Variants in PHF20 observed in about 807,000 individuals in gnomAD.
The protein encoded by PHF20 is PHD finger protein 20.
A neutral mutation model predicts 113.5 loss-of-function variants in PHF20; 23 were observed. The observed-to-expected ratio is 0.20, with a 90% CI of 0.15 to 0.29. The LOEUF (loss-of-function observed/expected upper bound fraction) is 0.29. PHF20 is among the 10% of genes least tolerant of loss of function. The probability of loss-of-function intolerance (pLI) is 1.00; values close to 1 mark genes in which losing one functional copy is unlikely to be tolerated. For missense variants in PHF20, 943 were observed against 1,219.6 expected (o/e 0.77, Z 3.38); for synonymous variants, 434 against 457.3 (o/e 0.95, Z 0.65).
chr20:35,777,444 C>T (rs936148169), intron 1 of PHF20, among the ~76,000 whole-genome samples: 6 of 152,232 alleles, frequency 3.9e-5, no homozygotes, highest in African/African-American at 1.4e-4. Flanking sequence ...CCTGGTATGT[C>T]TTCCTGGATT....
chr20:35,812,664 A>C (rs2041998439), intron 2 of PHF20, among the ~76,000 whole-genome samples: 1 of 152,152 alleles, frequency 6.6e-6, no homozygotes, highest in Non-Finnish European at 1.5e-5. Context: ...ATTGCATCAC[A>C]TCGGGGGACA....
intron 5 of PHF20, among the ~76,000 whole-genome samples, chr20:35,861,389 C>T (rs148327411): frequency 1.2e-3 from 188 of 152,082 alleles, no homozygotes; most frequent in African/African-American, 4.1e-3. Context: ...TTTTATTAAA[C>T]GTACGTGTGT....
intron 2 of PHF20, among the ~76,000 whole-genome samples, chr20:35,813,372 C>G (rs2146886552): frequency 6.6e-6 from 1 of 152,296 alleles, no homozygotes; most frequent in East Asian, 1.9e-4. Context: ...AAAATTATCC[C>G]AAATTTGTCC....
At chr20:35,916,087 T>C (rs546440616) in intron 12 of PHF20, among the ~76,000 whole-genome samples, 62 of 152,244 alleles carry the variant, frequency 4.1e-4, no homozygotes, top group Admixed American at 3.6e-3. Flanking sequence ...CAGTGAGCTG[T>C]GATCATGCCA....
chr20:35,828,275 T>C (rs113109538), intron 2 of PHF20, among the ~76,000 whole-genome samples: 7,276 of 152,186 alleles, frequency 0.048, 213 homozygotes, highest in African/African-American at 0.089. Flanking sequence ...CCGCCCGCCT[T>C]GGCTTCTCAA....
chr20:35,877,455 T>C (rs765428956), intron 9 of PHF20, among the ~76,000 whole-genome samples: 23 of 151,686 alleles, frequency 1.5e-4, no homozygotes, highest in Non-Finnish European at 3.1e-4. Flanking sequence ...TTTTTTATTT[T>C]TATTTTTTAT....
At chr20:35,773,151 G>A (rs552790892) in intron 1 of PHF20, among the ~76,000 whole-genome samples, 1 of 152,264 alleles carries the variant, frequency 6.6e-6, no homozygotes, top group Non-Finnish European at 1.5e-5. Context: ...CCCCCCAAAT[G>A]TACGAGGTGA....
intron 10 of PHF20, among the ~76,000 whole-genome samples, chr20:35,904,405 C>A (rs892990955): frequency 3.3e-5 from 5 of 151,372 alleles, no homozygotes; most frequent in Non-Finnish European, 7.4e-5. Flanking sequence ...CTGCCTCAGC[C>A]TCCCAAATAG....
chr20:35,849,295 G>A (rs775966997), intron 4 of PHF20: 3 of 380,986 alleles, frequency 7.9e-6, no homozygotes, highest in Non-Finnish European at 1.6e-5. Context: ...CCTCTAAGAG[G>A]GGTGGGAAGG....
chr20:35,776,822 G>A (rs2041185764), intron 1 of PHF20, among the ~76,000 whole-genome samples: 1 of 152,156 alleles, frequency 6.6e-6, no homozygotes, highest in South Asian at 2.1e-4. Context: ...AATGCTATGG[G>A]CCTGCTTCTC....
chr20:35,917,746 T>C, intron 13 of PHF20, 84 bp downstream of exon 13: 1 of 1,179,842 alleles, frequency 8.5e-7, no homozygotes, highest in Non-Finnish European at 1.2e-6. Context: ...CAATGGCAAG[T>C]CATAGCAGAG....
Position 35,809,993 on chromosome 20 carries a change from G to A in PHF20, c.83+8388G>A, listed in dbSNP as rs944928215. ...CGCCTAGGCTGGAGTGCAGTGGCGCGATCTCAGCTCACTGCAACCTCCGCC... is the reference window on the plus strand; with the variant it reads ...CGCCTAGGCTGGAGTGCAGTGGCGCAATCTCAGCTCACTGCAACCTCCGCC... On this transcript the variant is annotated intron_variant, in intron 2 of 17. Coordinates refer to ENST00000374012, the MANE Select transcript of PHF20 (RefSeq NM_016436.5). Among the ~76,000 whole-genome samples the A allele has an allele frequency of 5.9e-5, 9 of 151,966 alleles. No individual in the cohort carries two copies. The South Asian group carries it at 8.3e-4, about 14-fold the overall frequency.
chr20:35,802,687 C>G (rs1215965413), intron 2 of PHF20, among the ~76,000 whole-genome samples: 1 of 152,022 alleles, frequency 6.6e-6, no homozygotes, highest in Non-Finnish European at 1.5e-5. Context: ...CCTGTAATCC[C>G]AGCACTTTGG....
chr20:35,782,267 T>G (rs2041315617), intron 1 of PHF20: 1 of 149,494 alleles, frequency 6.7e-6, no homozygotes, highest in East Asian at 1.9e-4. Context: ...GTTTTGTTTT[T>G]TTTTTCTTTT....
intron 2 of PHF20, among the ~76,000 whole-genome samples, chr20:35,823,382 C>T (rs1381868341): frequency 6.8e-6 from 1 of 147,876 alleles, no homozygotes; most frequent in Non-Finnish European, 1.5e-5. Flanking sequence ...GGGAGGATTG[C>T]TTGAGCCCAG....
At chr20:35,924,172 A>ATTTTCTTTTC (rs1011869443) in intron 13 of PHF20, among the ~76,000 whole-genome samples, 5 of 135,800 alleles carry the variant, frequency 3.7e-5, no homozygotes, top group African/African-American at 1.4e-4. Flanking sequence ...TATGTATAGT[A>ATTTTCTTTTC]TTTTCTTTTC....
intron 12 of PHF20, among the ~76,000 whole-genome samples, chr20:35,916,951 A>G (rs537785223): frequency 6.6e-6 from 1 of 151,326 alleles, no homozygotes. Flanking sequence ...TTTAGTGGAG[A>G]TGGGGTTTTG....
chr20:35,931,140 T>C (rs908861335), intron 14 of PHF20, 109 bp from the exon 15 acceptor site: 3 of 725,502 alleles, frequency 4.1e-6, no homozygotes, highest in Non-Finnish European at 4.6e-6. Context: ...ACAAAATGAG[T>C]ATACTAATCT....
intron 6 of PHF20, among the ~76,000 whole-genome samples, chr20:35,867,551 A>G (rs1353106121): frequency 6.6e-6 from 1 of 152,128 alleles, no homozygotes; most frequent in African/African-American, 2.4e-5. Flanking sequence ...GTGAGCCACC[A>G]CACCCAGCCT....
Sources: allele counts gnomAD v4.1 joint callset (sites outside exome capture counted in the v4.1 genomes callset), GRCh38; gene constraint gnomAD v4.1.1; transcripts MANE v1.5; gene names NCBI Gene and HGNC (gene_info 2026-07-23, HGNC 2026-07-21).